Variants in COL4A3 observed in about 807,000 individuals in gnomAD.
COL4A3 encodes the protein collagen alpha-3(IV) chain.
COL4A3 carries 135 observed loss-of-function variants against 217.4 expected under a neutral mutation model. The observed-to-expected ratio is 0.62, with a 90% CI of 0.54 to 0.72. The LOEUF (loss-of-function observed/expected upper bound fraction) is 0.72, where lower values mean the gene tolerates loss of function less well. COL4A3 is among the 30% of genes least tolerant of loss of function. The probability of loss-of-function intolerance (pLI) is 0.00; values close to 1 mark genes in which losing one functional copy is unlikely to be tolerated. For missense variants in COL4A3, 1,868 were observed against 2,119.9 expected, an observed-to-expected ratio of 0.88 and a Z score of 2.33; for synonymous variants, 690 against 736.3, an observed-to-expected ratio of 0.94 and a Z score of 1.02.
In COL4A3 at chr2:227,224,730, G is replaced by A. The variant is rs769600021; in HGVS notation, c.88-13238G>A. 7.7e-4 allele frequency among the ~76,000 whole-genome samples: 116 copies of A among 150,650 alleles called. 1 individual carries two copies. The highest frequency in any genetic ancestry group is 4.0e-4 in the Admixed American group (6 of 15,066). ...AGATCATGCCATTGCACTCCAGCCTGGGCAACAAAAGTGAAACTCCATCTC... is the reference window on the plus strand; with the variant it reads ...AGATCATGCCATTGCACTCCAGCCTAGGCAACAAAAGTGAAACTCCATCTC... On this transcript the variant is annotated intron_variant, in intron 1 of 51. Coordinates refer to ENST00000396578, the MANE Select transcript of COL4A3 (RefSeq NM_000091.5).
At chr2:227,261,619 A>T (rs2070574422) in intron 20 of COL4A3, among the ~76,000 whole-genome samples, 1 of 152,232 alleles carries the variant, frequency 6.6e-6, no homozygotes. Flanking sequence ...CTGATACAGA[A>T]ATGCTCTTTT....
At chr2:227,304,845 C>T in intron 46 of COL4A3, 140 bp from the exon 47 acceptor site, 3 of 715,192 alleles carry the variant, frequency 4.2e-6, no homozygotes, top group Non-Finnish European at 7.5e-6. Context: ...ATCATCCTAG[C>T]TTGCCCAGGA....
At chr2:227,298,888 T>C in intron 43 of COL4A3, 76 bp downstream of exon 43, 2 of 1,332,190 alleles carry the variant, frequency 1.5e-6, no homozygotes, top group Non-Finnish European at 2.1e-6. Flanking sequence ...GTATATTATA[T>C]CATATATTGT....
chr2:227,190,744 A>G (rs1418218223), intron 1 of COL4A3, among the ~76,000 whole-genome samples: 1 of 152,166 alleles, frequency 6.6e-6, no homozygotes, highest in Non-Finnish European at 1.5e-5. Flanking sequence ...TCGTCTCTAC[A>G]AAAAATTAAA....
Position 227,284,353 on chromosome 2 carries a change from A to G in COL4A3, c.2881+8A>G. The stretch of plus-strand genomic sequence containing the variant: ...GAGAACCAGGTCTCAAAGGTAAAGA[A>G]TTGCTTGTTTGGAATCAGGACATCA... On this transcript the variant is annotated splice_region_variant and intron_variant, in intron 34 of 51. Coordinates refer to ENST00000396578, the MANE Select transcript of COL4A3 (RefSeq NM_000091.5). 1 of 1,612,560 alleles carries G rather than the reference A, an allele frequency of 6.2e-7. No homozygotes were observed. The highest frequency in any genetic ancestry group is 1.1e-5 in the South Asian group (1 of 90,646).
chr2:227,222,752 G>A (rs896490656), intron 1 of COL4A3, among the ~76,000 whole-genome samples: 10 of 152,074 alleles, frequency 6.6e-5, no homozygotes, highest in Non-Finnish European at 1.5e-4. Context: ...GGCATGTCAG[G>A]CCAAAAAACC....
chr2:227,206,871 T>A (rs895462600), intron 1 of COL4A3, among the ~76,000 whole-genome samples: 6 of 152,188 alleles, frequency 3.9e-5, no homozygotes, highest in African/African-American at 1.4e-4. Flanking sequence ...ATTTTCTAGA[T>A]GAAGAAATTG....
intron 21 of COL4A3, chr2:227,264,907 T>G (rs2070797702): frequency 6.6e-6 from 1 of 152,252 alleles, no homozygotes; most frequent in Non-Finnish European, 1.5e-5. Context: ...CTACTTTCCC[T>G]TCGCTAAGCA....
At chr2:227,307,112 C>G (rs369379587) in intron 47 of COL4A3, among the ~76,000 whole-genome samples, 1 of 151,796 alleles carries the variant, frequency 6.6e-6, no homozygotes, top group Non-Finnish European at 1.5e-5. Context: ...TGTACAGAAA[C>G]GATTTACTTT....
In COL4A3 at chr2:227,297,767, T is replaced by C. The variant is rs1229811135; in HGVS notation, c.3659T>C (p.Ile1220Thr). Reference sequence around the variant, plus strand: ...GCTGGACCTCGAGGACCCACAGGCATAGAAGGATTCCCAGGGCCACCAGGT... The same window carrying C: ...GCTGGACCTCGAGGACCCACAGGCACAGAAGGATTCCCAGGGCCACCAGGT... ...GDAGPRGPTG[I>T]EGFPGPPGLP... The change falls in exon 42 of 52, where the codon ATA (isoleucine) becomes ACA (threonine). Residue 1220 changes from isoleucine to threonine, a missense_variant. Transcript: ENST00000396578. 6.3e-7 allele frequency: 1 copy of C among 1,596,152 alleles called. No homozygotes were observed. Among genetic ancestry groups the C allele is most frequent in the Admixed American group, 1.8e-5 (1 of 56,998 alleles).
intron 38 of COL4A3, chr2:227,293,813 T>C: frequency 2.1e-6 from 1 of 469,776 alleles, no homozygotes; most frequent in South Asian, 1.6e-5. Context: ...TGTTCTTGGC[T>C]TGTGGATGGC....
intron 1 of COL4A3, among the ~76,000 whole-genome samples, chr2:227,235,498 T>C (rs2068641134): frequency 6.6e-6 from 1 of 152,210 alleles, no homozygotes; most frequent in Non-Finnish European, 1.5e-5. Flanking sequence ...TTTGGTTACA[T>C]GGATAAGTTC....
chr2:227,280,434 C>G lies in COL4A3; in HGVS notation c.2224-6C>G, dbSNP rs1239418315. ...ATATAGTAATAACACAATTTCTATG[C>G]TGTAGGGAGAACCAGCAGTAGCCAT... On this transcript the variant is annotated splice_region_variant and splice_polypyrimidine_tract_variant and intron_variant, in intron 29 of 51. Coordinates refer to ENST00000396578, the MANE Select transcript of COL4A3 (RefSeq NM_000091.5). The G allele has an allele frequency of 6.2e-7, 1 of 1,613,984 alleles. No homozygotes were observed. Among genetic ancestry groups the G allele is most frequent in the South Asian group, 1.1e-5 (1 of 91,074 alleles).
chr2:227,169,094 T>C (rs1379918197), intron 1 of COL4A3: 1 of 138,302 alleles, frequency 7.2e-6, no homozygotes, highest in Admixed American at 7.7e-5. Context: ...CCTGTGTCCA[T>C]GTGTTCTCAT....
At position 227,310,964 on chromosome 2, in the gene COL4A3, C is replaced by A. The variant is rs569964159; in HGVS notation, c.4928+16C>A. On this transcript the variant is annotated intron_variant, in intron 51 of 51. Coordinates refer to ENST00000396578, the MANE Select transcript of COL4A3 (RefSeq NM_000091.5). The stretch of plus-strand genomic sequence containing the variant: ...GAATGTTCAGGTAACTATTCACCAT[C>A]AAGCTTAATCTGATGACTCAATTGC... 13 of 1,612,530 alleles carry A rather than the reference C, an allele frequency of 8.1e-6. No homozygotes were observed. The East Asian group carries it at 2.7e-4, about 33-fold the overall frequency.
chr2:227,172,208 A>C (rs1258884425), intron 1 of COL4A3, among the ~76,000 whole-genome samples: 1 of 152,170 alleles, frequency 6.6e-6, no homozygotes, highest in Non-Finnish European at 1.5e-5. Context: ...ATTTCTTGGG[A>C]GACTGCCTTT....
At chr2:227,193,444 C>T (rs969949535) in intron 1 of COL4A3, among the ~76,000 whole-genome samples, 5 of 152,218 alleles carry the variant, frequency 3.3e-5, no homozygotes, top group African/African-American at 4.8e-5. Flanking sequence ...CTGGGCACGG[C>T]GGCTCACGCC....
In COL4A3 at chr2:227,309,287, T is replaced by C. The variant is rs754689850; in HGVS notation, c.4724T>C (p.Ile1575Thr). Residue 1575 changes from isoleucine (I) to threonine (T), a missense_variant, in exon 50 of 52, where the codon ATT (isoleucine) becomes ACT (threonine). By Grantham distance (89) the Ile-to-Thr change is moderately conservative. Coordinates refer to ENST00000396578, the MANE Select transcript of COL4A3 (RefSeq NM_000091.5). ...TDIPPCPHGWISLWKGFSFIM... is the reference protein window; with the variant it reads ...TDIPPCPHGWTSLWKGFSFIM... ...ATTCCTCCATGTCCTCACGGCTGGA[T>C]TTCTCTCTGGAAAGGATTTTCATTC... 3 of 1,614,124 alleles carry C rather than the reference T, an allele frequency of 1.9e-6. No individual in the cohort carries two copies. The South Asian group carries it at 3.3e-5, about 18-fold the overall frequency.
At chr2:227,198,799 CCT>C (rs773585002) in intron 1 of COL4A3, among the ~76,000 whole-genome samples, 4 of 152,034 alleles carry the variant, frequency 2.6e-5, no homozygotes, top group Admixed American at 6.6e-5. Flanking sequence ...TATGAAAAAT[CCT>C]CTTTTATTTA....
Sources: allele counts gnomAD v4.1 joint callset (sites outside exome capture counted in the v4.1 genomes callset), GRCh38; gene constraint gnomAD v4.1.1; transcripts MANE v1.5; gene names NCBI Gene and HGNC (gene_info 2026-07-23, HGNC 2026-07-21).